Variants in ARHGAP24 observed in about 807,000 individuals in gnomAD.
The protein encoded by ARHGAP24 is rho GTPase-activating protein 24.
In ARHGAP24, 50 loss-of-function variants were observed where a neutral mutation model predicts 76.4. The ratio of observed to expected loss-of-function variants is 0.65; its 90% CI spans 0.52 to 0.83. ARHGAP24 has a LOEUF of 0.83. Among genes scored for constraint, ARHGAP24 ranks in the 40% least tolerant of loss-of-function variants. The pLI, the probability that ARHGAP24 is intolerant of heterozygous loss-of-function variation, is 0.00. For synonymous variants in ARHGAP24, 345 were observed against 323.3 expected, an observed-to-expected ratio of 1.07 and a Z score of -0.72; for missense variants, 930 against 914.2, an observed-to-expected ratio of 1.02 and a Z score of -0.22.
At chr4:85,770,012 A>G (rs553260174) in intron 3 of ARHGAP24, among the ~76,000 whole-genome samples, 7 of 152,336 alleles carry the variant, frequency 4.6e-5, no homozygotes, top group Admixed American at 1.3e-4. Flanking sequence ...AAATAAATGT[A>G]AGGAAATAGT....
At chr4:85,788,548 A>G in intron 3 of ARHGAP24, among the ~76,000 whole-genome samples, 1 of 152,184 alleles carries the variant, frequency 6.6e-6, no homozygotes, top group East Asian at 1.9e-4. Flanking sequence ...AGGTGAGAGG[A>G]TTAGGGAATA....
chr4:85,873,537 G>A (rs973803721), intron 3 of ARHGAP24, among the ~76,000 whole-genome samples: 4 of 152,138 alleles, frequency 2.6e-5, no homozygotes, highest in African/African-American at 9.7e-5. Context: ...GAGCTCATAC[G>A]GTAGTAGAGG....
chr4:85,972,570 A>G (rs745424547), intron 6 of ARHGAP24, among the ~76,000 whole-genome samples: 13 of 152,210 alleles, frequency 8.5e-5, no homozygotes, highest in Non-Finnish European at 1.9e-4. Flanking sequence ...AGCTTTGTTA[A>G]GGTATAATTT....
chr4:85,910,385 G>C (rs1286640705), intron 3 of ARHGAP24, among the ~76,000 whole-genome samples: 1 of 152,174 alleles, frequency 6.6e-6, no homozygotes, highest in African/African-American at 2.4e-5. Context: ...CCAAGTTCTT[G>C]TCCTGCGACC....
Position 85,570,668 on chromosome 4 carries a change from C to G in ARHGAP24, c.127C>G (p.Leu43Val). Residue 43 changes from leucine (L) to valine (V), a missense_variant, in exon 2 of 10, where the codon CTC (leucine) becomes GTC (valine). Coordinates refer to ENST00000395184, the MANE Select transcript of ARHGAP24 (RefSeq NM_001025616.3). ...VKTWHTRWFV[L>V]KGDQLYYFKD... ...GACTTGGCATACTCGCTGGTTTGTG[C>G]TCAAGGGGGATCAGCTCTATTATTT... 6.2e-7 allele frequency: 1 copy of G among 1,614,062 alleles called. No individual in the cohort carries two copies.
At position 85,994,743 on chromosome 4, in the gene ARHGAP24, C is replaced by G. The variant is rs1296233689; in HGVS notation, c.1089C>G (p.Asn363Lys). Residue 363 changes from asparagine to lysine, a missense_variant, in exon 9 of 10, where the codon AAC (asparagine) becomes AAG (lysine). Transcript: ENST00000395184. ...ATMGQLQNKE[N>K]NNTKDSPSRQ... is the part of the protein sequence containing the mutation. ...TGGGGCAGTTACAGAACAAGGAGAACAATAACACCAAGGACAGCCCTAGTA... is the reference window on the plus strand; with the variant it reads ...TGGGGCAGTTACAGAACAAGGAGAAGAATAACACCAAGGACAGCCCTAGTA... The G allele has an allele frequency of 6.2e-7, 1 of 1,613,954 alleles. No homozygotes were observed. The highest frequency in any genetic ancestry group is 8.5e-7 in the Non-Finnish European group (1 of 1,180,008).
chr4:85,924,615 A>G (rs186549189), intron 4 of ARHGAP24: 2 of 151,388 alleles, frequency 1.3e-5, no homozygotes, highest in East Asian at 3.9e-4. Context: ...ATTCTTTTGT[A>G]TATTGTCAAC....
At chr4:85,722,055 T>C (rs1329348744) in intron 3 of ARHGAP24, 83 bp downstream of exon 3, 4 of 1,275,096 alleles carry the variant, frequency 3.1e-6, no homozygotes, top group Non-Finnish European at 4.5e-6. Flanking sequence ...TTTCATTCTT[T>C]TTTGAATCAT....
chr4:85,911,279 C>T (rs1435570374), intron 3 of ARHGAP24, among the ~76,000 whole-genome samples: 1 of 152,198 alleles, frequency 6.6e-6, no homozygotes, highest in Non-Finnish European at 1.5e-5. Context: ...CCACTTGTCC[C>T]TGGCTCCTGC....
chr4:85,580,709 A>C (rs1371333746), intron 2 of ARHGAP24, among the ~76,000 whole-genome samples: 1 of 152,138 alleles, frequency 6.6e-6, no homozygotes, highest in African/African-American at 2.4e-5. Flanking sequence ...TGACTGCTGG[A>C]GTTTTATCTT....
chr4:85,505,482 C>A (rs1383444609), intron 1 of ARHGAP24, among the ~76,000 whole-genome samples: 1 of 152,194 alleles, frequency 6.6e-6, no homozygotes, highest in African/African-American at 2.4e-5. Flanking sequence ...GATCTTCAAT[C>A]ACTGATACCC....
chr4:85,877,445 C>G (rs946703485), intron 3 of ARHGAP24, among the ~76,000 whole-genome samples: 2 of 152,012 alleles, frequency 1.3e-5, no homozygotes, highest in Non-Finnish European at 2.9e-5. Context: ...GGCAACATTG[C>G]AAAATCCCAT....
At chr4:85,683,117 T>TGGGG (rs201448168) in intron 2 of ARHGAP24, among the ~76,000 whole-genome samples, 3 of 56,980 alleles carry the variant, frequency 5.3e-5, no homozygotes, top group Admixed American at 2.6e-4. Flanking sequence ...TGTGGGGGGG[T>TGGGG]GGGGGGGGGG....
intron 2 of ARHGAP24, among the ~76,000 whole-genome samples, chr4:85,599,576 C>A (rs931080314): frequency 6.6e-6 from 1 of 152,032 alleles, no homozygotes; most frequent in Non-Finnish European, 1.5e-5. Context: ...ATATTAATAA[C>A]CACACTTTGA....
rs190329824 is a variant in ARHGAP24, at chr4:85,933,270, A to T, written c.392-8796A>T. Among the ~76,000 whole-genome samples, 3 of 152,274 alleles carry T rather than the reference A, an allele frequency of 2.0e-5. No individual in the cohort carries two copies. In the East Asian group the frequency reaches 5.8e-4, roughly 29 times the overall value. ...TGGCTACTTTTCCTGATCCACATGTAAAATATATATATTTTTTTACTGTTG... is the reference window on the plus strand; with the variant it reads ...TGGCTACTTTTCCTGATCCACATGTTAAATATATATATTTTTTTACTGTTG... On this transcript the variant is annotated intron_variant, in intron 4 of 9. Transcript: ENST00000395184.
At chr4:85,791,725 T>C (rs191777925) in intron 3 of ARHGAP24, among the ~76,000 whole-genome samples, 2 of 152,204 alleles carry the variant, frequency 1.3e-5, no homozygotes, top group East Asian at 1.9e-4. Context: ...CTGACCCACA[T>C]TGGACTGGTA....
intron 3 of ARHGAP24, among the ~76,000 whole-genome samples, chr4:85,806,403 T>G (rs2110108989): frequency 6.6e-6 from 1 of 152,274 alleles, no homozygotes; most frequent in South Asian, 2.1e-4. Flanking sequence ...TATGTATAAT[T>G]GTTGAAAATA....
At chr4:85,988,858 G>A (rs560541530) in intron 8 of ARHGAP24, among the ~76,000 whole-genome samples, 2 of 151,650 alleles carry the variant, frequency 1.3e-5, no homozygotes, top group South Asian at 4.2e-4. Flanking sequence ...TAAATGAAAG[G>A]AAAAAGTTCT....
At chr4:85,986,200 T>C (rs1030606390) in intron 8 of ARHGAP24, among the ~76,000 whole-genome samples, 2 of 152,148 alleles carry the variant, frequency 1.3e-5, no homozygotes, top group African/African-American at 2.4e-5. Context: ...CATTCAAATA[T>C]TGATGTAGCC....
Sources: gnomAD v4.1 joint callset for allele counts (sites outside exome capture counted in the v4.1 genomes callset) on GRCh38, gnomAD v4.1.1 for gene constraint, MANE v1.5 for transcripts, NCBI Gene and HGNC (gene_info 2026-07-23, HGNC 2026-07-21) for gene names.